The following ITPR3 variants were observed in gnomAD, a reference collection of about 807,000 sequenced individuals.
ITPR3 encodes inositol 1,4,5-trisphosphate-gated calcium channel ITPR3.
Under a neutral mutation model 293.2 loss-of-function variants are expected in ITPR3, and 173 were observed. That is an observed-to-expected ratio of 0.59 (90% CI 0.52 to 0.67). The LOEUF (loss-of-function observed/expected upper bound fraction) is 0.67, where lower values mean the gene tolerates loss of function less well. Ranked by LOEUF, ITPR3 falls within the 30% of genes least tolerant of loss-of-function variation. The pLI, the probability that ITPR3 is intolerant of heterozygous loss-of-function variation, is 0.00. For synonymous variants in ITPR3, 1,295 were observed against 1,444.4 expected, an observed-to-expected ratio of 0.90 and a Z score of 2.35; for missense variants, 2,796 against 3,592.1, an observed-to-expected ratio of 0.78 and a Z score of 5.66.
In ITPR3 at chr6:33,684,758, C is replaced by T. The variant is rs560136119; in HGVS notation, c.5138-16C>T. Reference sequence around the variant, plus strand: ...CCTGTCACACCAGCTCTCCCTCAACCGAGTCCCGCCTCCAGGCCTGGACCC... The same window carrying T: ...CCTGTCACACCAGCTCTCCCTCAACTGAGTCCCGCCTCCAGGCCTGGACCC... On this transcript the variant is annotated splice_polypyrimidine_tract_variant and intron_variant, in intron 38 of 57. Transcript: ENST00000605930. This position sits in a 1 kb window ranked among gnomAD's most constrained non-coding sequence, Gnocchi z 4.2. 28 of 1,609,692 alleles carry T rather than the reference C, an allele frequency of 1.7e-5. No individual in the cohort carries two copies. Among genetic ancestry groups the T allele is most frequent in the African/African-American group, 5.3e-5 (4 of 75,044 alleles).
intron 1 of ITPR3, 132 bp from the exon 2 acceptor site, chr6:33,640,351 TG>T: frequency 1.3e-6 from 1 of 773,072 alleles, no homozygotes; most frequent in Non-Finnish European, 2.0e-6. Context: ...GACTTGATGG[TG>T]GGGAGCTTGT....
At chr6:33,657,847 G>A (rs1171749721) in intron 3 of ITPR3, 85 bp from the exon 4 acceptor site, 2 of 1,044,736 alleles carry the variant, frequency 1.9e-6, no homozygotes, top group African/African-American at 1.6e-5. Flanking sequence ...GTGTGCATGT[G>A]TGCGTGCATG....
intron 3 of ITPR3, among the ~76,000 whole-genome samples, chr6:33,656,777 C>T (rs989422638): frequency 2.0e-5 from 3 of 152,332 alleles, no homozygotes; most frequent in African/African-American, 7.2e-5. Flanking sequence ...TGTTGCCCCA[C>T]CCCTTGTCAT....
In ITPR3 at chr6:33,673,726, C is replaced by A. The variant is rs754628126; in HGVS notation, c.3058+6C>A. 6.2e-7 allele frequency: 1 copy of A among 1,613,948 alleles called. No individual in the cohort carries two copies. Among genetic ancestry groups the A allele is most frequent in the South Asian group, 1.1e-5 (1 of 91,060 alleles). On this transcript the variant is annotated splice_donor_region_variant and intron_variant, in intron 23 of 57. Transcript: ENST00000605930. ...CCCTGCCTTCGACTCTACCAGTAAGCCCCTGCCCTGCCTTCAGGCTGAGGC... is the reference window on the plus strand; with the variant it reads ...CCCTGCCTTCGACTCTACCAGTAAGACCCTGCCCTGCCTTCAGGCTGAGGC...
In ITPR3 at chr6:33,672,633, G is replaced by A. The variant is rs1037209096; in HGVS notation, c.2928+405G>A. On this transcript the variant is annotated intron_variant, in intron 22 of 57. Transcript: ENST00000605930. This position sits in a 1 kb window ranked among gnomAD's most constrained non-coding sequence, Gnocchi z 5.0. ...CCCCACCCTAGACCTACTGAGTCAGGAACACTGGAGAGGGGCCCTGTGGGC... is the reference window on the plus strand; with the variant it reads ...CCCCACCCTAGACCTACTGAGTCAGAAACACTGGAGAGGGGCCCTGTGGGC... Among the ~76,000 whole-genome samples the A allele has an allele frequency of 1.3e-5, 2 of 152,164 alleles. No individual in the cohort carries two copies. Among genetic ancestry groups the A allele is most frequent in the African/African-American group, 4.8e-5 (2 of 41,430 alleles).
Position 33,685,627 on chromosome 6 carries a change from C to T in ITPR3, c.5483-16C>T. The T allele has an allele frequency of 1.3e-6, 2 of 1,581,210 alleles. No homozygotes were observed. The highest frequency in any genetic ancestry group is 1.7e-6 in the Non-Finnish European group (2 of 1,158,880). On this transcript the variant is annotated splice_polypyrimidine_tract_variant and intron_variant, in intron 40 of 57. Transcript: ENST00000605930. ...AGGGGGTGGGCAGCTCCAGCCTCAC[C>T]AGGTCTCGCCCACAGGCCGCGTGGC...
At chr6:33,641,398 C>A (rs528341716) in intron 2 of ITPR3, among the ~76,000 whole-genome samples, 43 of 152,250 alleles carry the variant, frequency 2.8e-4, no homozygotes, top group South Asian at 8.3e-4. Flanking sequence ...ATTGTCCTCG[C>A]GGGGGATGCT....
chr6:33,694,858 T>C (rs1765496777), intron 56 of ITPR3, 66 bp from the exon 57 acceptor site: 1 of 1,602,530 alleles, frequency 6.2e-7, no homozygotes, highest in South Asian at 1.1e-5. Flanking sequence ...CACATTACTG[T>C]TTTTCTAAAT....
chr6:33,667,741 C>G lies in ITPR3; in HGVS notation c.1714-51C>G, dbSNP rs1561867228. 1 of 1,603,626 alleles carries G rather than the reference C, an allele frequency of 6.2e-7. No individual in the cohort carries two copies. Among genetic ancestry groups the G allele is most frequent in the African/African-American group, 1.3e-5 (1 of 74,722 alleles). On this transcript the variant is annotated intron_variant, in intron 15 of 57. Transcript: ENST00000605930. The surrounding 1 kb of genome is among the most constrained non-coding windows in gnomAD (Gnocchi z 4.4). ...GCAGCGTTCCAGAGCAGAGCTGGGC[C>G]CTTGGCCCACCTGTGACTCTCTGTG...
intron 6 of ITPR3, 78 bp downstream of exon 6, chr6:33,659,197 C>A: frequency 1.5e-6 from 2 of 1,354,808 alleles, no homozygotes; most frequent in South Asian, 1.2e-5. Context: ...CGCTCCCTGC[C>A]ATGGTCTCTG....
chr6:33,677,888 CCTTTTCTT>C (rs1764952986), intron 28 of ITPR3, among the ~76,000 whole-genome samples: 1 of 152,116 alleles, frequency 6.6e-6, no homozygotes, highest in Non-Finnish European at 1.5e-5. Context: ...ACCTTGACTC[CCTTTTCTT>C]CCCCCTCTCC....
At position 33,666,073 on chromosome 6, in the gene ITPR3, T is replaced by A; in HGVS notation, c.1551+97T>A. The A allele has an allele frequency of 1.4e-6, 2 of 1,426,038 alleles. No homozygotes were observed. The highest frequency in any genetic ancestry group is 1.9e-6 in the Non-Finnish European group (2 of 1,053,384). 88.3% of individuals were successfully genotyped at this position (1,426,038 alleles called of 1,614,324 possible). A position where few individuals can be genotyped will look rare whatever the true frequency, so the allele number is the denominator to read the frequency against. On this transcript the variant is annotated intron_variant, in intron 14 of 57. Coordinates refer to ENST00000605930, the MANE Select transcript of ITPR3 (RefSeq NM_002224.4). The surrounding 1 kb of genome is among the most constrained non-coding windows in gnomAD (Gnocchi z 5.1). ...CATCCCCCGCTTTAACAAAAATCAGTATATATGGGGCACGACCACGTGCCA... is the reference window on the plus strand; with the variant it reads ...CATCCCCCGCTTTAACAAAAATCAGAATATATGGGGCACGACCACGTGCCA...
chr6:33,692,031 T>C lies in ITPR3; in HGVS notation c.7458+103T>C, dbSNP rs1290277753. ...TTGGCCTCGCGTCAGATATTCAGGG[T>C]TGAACCCCCTCCCCCGAACTTGTAT... is the stretch of plus-strand genomic sequence containing the variant. On this transcript the variant is annotated intron_variant, in intron 54 of 57. Transcript: ENST00000605930. This position sits in a 1 kb window ranked among gnomAD's most constrained non-coding sequence, Gnocchi z 4.2. 43 of 1,467,934 alleles carry C rather than the reference T, an allele frequency of 2.9e-5. No homozygotes were observed. The highest frequency in any genetic ancestry group is 3.7e-5 in the Non-Finnish European group (39 of 1,062,890). 90.9% of individuals were successfully genotyped at this position (1,467,934 alleles called of 1,614,324 possible).
chr6:33,632,434 A>G lies in ITPR3; in HGVS notation c.90-8050A>G, dbSNP rs1763705266. Among the ~76,000 whole-genome samples, 2 of 151,970 alleles carry G rather than the reference A, an allele frequency of 1.3e-5. No individual in the cohort carries two copies. The highest frequency in any genetic ancestry group is 6.6e-5 in the Admixed American group (1 of 15,256). ...TAATCTTTCCAGACAGCACTGACCC[A>G]CCCTGCTACCTTTCCCATGGCGCCC... On this transcript the variant is annotated intron_variant, in intron 1 of 57. Transcript: ENST00000605930. This position sits in a 1 kb window ranked among gnomAD's most constrained non-coding sequence, Gnocchi z 4.1.
intron 50 of ITPR3, among the ~76,000 whole-genome samples, chr6:33,689,773 GA>G (rs1163532018): frequency 6.6e-6 from 1 of 152,218 alleles, no homozygotes; most frequent in Non-Finnish European, 1.5e-5. Flanking sequence ...TGCTTTGAGC[GA>G]GGAATACCTT....
At chr6:33,680,207 G>A (rs575140472) in intron 31 of ITPR3, 74 bp downstream of exon 31, 2 of 1,584,830 alleles carry the variant, frequency 1.3e-6, no homozygotes, top group African/African-American at 1.3e-5. Context: ...GACAGGAAGA[G>A]TGGGTGAAGC....
At chr6:33,631,649 G>A (rs373582839) in intron 1 of ITPR3, among the ~76,000 whole-genome samples, 188 of 152,296 alleles carry the variant, frequency 1.2e-3, no homozygotes, top group African/African-American at 4.3e-3. Context: ...TTAAGCCTCC[G>A]GATGACTGCG....
chr6:33,677,090 G>T lies in ITPR3; in HGVS notation c.3522+1G>T. ...TGAGAACTACCAGATCGTCAAGGGCGTGAGTGGCCAAGGGTCCTCGGGGTA... is the reference window on the plus strand; with the variant it reads ...TGAGAACTACCAGATCGTCAAGGGCTTGAGTGGCCAAGGGTCCTCGGGGTA... On this transcript the variant is annotated splice_donor_variant, in intron 27 of 57. Coordinates refer to ENST00000605930, the MANE Select transcript of ITPR3 (RefSeq NM_002224.4). LOFTEE classifies it high-confidence loss of function. The T allele has an allele frequency of 6.2e-7, 1 of 1,613,784 alleles. No homozygotes were observed. The highest frequency in any genetic ancestry group is 8.5e-7 in the Non-Finnish European group (1 of 1,179,750).
chr6:33,630,955 C>A (rs1763664225), intron 1 of ITPR3, among the ~76,000 whole-genome samples: 1 of 152,212 alleles, frequency 6.6e-6, no homozygotes, highest in South Asian at 2.1e-4. Flanking sequence ...AATTTCTTTT[C>A]TCTGATGAGC....
Sources: gnomAD v4.1 joint callset for allele counts (sites outside exome capture counted in the v4.1 genomes callset) on GRCh38, gnomAD v4.1.1 for gene constraint, Gnocchi (gnomAD v3.1) non-coding constraint, MANE v1.5 for transcripts, NCBI Gene and HGNC (gene_info 2026-07-23, HGNC 2026-07-21) for gene names.